ENTHD1: variants seen among roughly 807,000 people sequenced by gnomAD.
ENTHD1 encodes ENTH domain containing 1.
Under a neutral mutation model 39.1 loss-of-function variants are expected in ENTHD1, and 23 were observed. That is an observed-to-expected ratio of 0.59 (90% CI 0.42 to 0.83). The LOEUF is 0.83. Among genes scored for constraint, ENTHD1 ranks in the 40% least tolerant of loss-of-function variants. The pLI is 0.00. For synonymous variants in ENTHD1, 230 were observed against 258.2 expected (o/e 0.89, Z 1.05); for missense variants, 624 against 705.4 (o/e 0.88, Z 1.31).
At chr22:39,868,999 G>T (rs2066213762) in intron 2 of ENTHD1, among the ~76,000 whole-genome samples, 1 of 152,150 alleles carries the variant, frequency 6.6e-6, no homozygotes, top group Non-Finnish European at 1.5e-5. Flanking sequence ...TGGAGAAAAG[G>T]GGACACTTGT....
chr22:39,782,180 G>A (rs770284212), intron 5 of ENTHD1, among the ~76,000 whole-genome samples: 11 of 152,190 alleles, frequency 7.2e-5, no homozygotes, highest in East Asian at 1.9e-4. Context: ...CCAGCTACCC[G>A]GGAGGCTGAG....
At chr22:39,814,404 G>A (rs1601612718) in intron 5 of ENTHD1, among the ~76,000 whole-genome samples, 1 of 152,014 alleles carries the variant, frequency 6.6e-6, no homozygotes, top group East Asian at 1.9e-4. Context: ...AGGCTGCAGT[G>A]AACCGCAATT....
chr22:39,864,814 C>T (rs938551709), intron 2 of ENTHD1, among the ~76,000 whole-genome samples: 1 of 152,128 alleles, frequency 6.6e-6, no homozygotes, highest in African/African-American at 2.4e-5. Flanking sequence ...ATCGCTTGAA[C>T]CCAGGAGGCA....
Position 39,765,237 on chromosome 22 carries a change from T to C in ENTHD1, c.1205A>G (p.Lys402Arg), listed in dbSNP as rs116405776. The change falls in exon 6 of 7, where the codon AAG (lysine) becomes AGG (arginine). Residue 402 changes from lysine to arginine, a missense_variant. Coordinates refer to ENST00000325157, the MANE Select transcript of ENTHD1 (RefSeq NM_152512.4). ...SSIQMDDKIL[K>R]TTTRVSTASE... is the part of the protein sequence containing the mutation. Reference sequence around the variant, plus strand: ...GGCAGACTCACCCCGTGTGGTTGTCTTGAGGATTTTATCATCCATCTGAAT... The same window carrying C: ...GGCAGACTCACCCCGTGTGGTTGTCCTGAGGATTTTATCATCCATCTGAAT... The C allele has an allele frequency of 5.3e-5, 85 of 1,607,566 alleles. No homozygotes were observed. The East Asian group carries it at 1.8e-3, about 35-fold the overall frequency.
At chr22:39,846,923 G>C (rs1418437373) in intron 3 of ENTHD1, among the ~76,000 whole-genome samples, 2 of 152,108 alleles carry the variant, frequency 1.3e-5, no homozygotes, top group African/African-American at 4.8e-5. Context: ...TGGAGAAATA[G>C]GAACACTTTT....
intron 5 of ENTHD1, among the ~76,000 whole-genome samples, chr22:39,784,547 C>T (rs1053630046): frequency 3.2e-5 from 4 of 126,026 alleles, no homozygotes; most frequent in African/African-American, 1.1e-4. Context: ...TCTGTATACA[C>T]ACACACACAC....
intron 2 of ENTHD1, among the ~76,000 whole-genome samples, chr22:39,882,443 G>A (rs2066345671): frequency 6.6e-6 from 1 of 152,144 alleles, no homozygotes; most frequent in African/African-American, 2.4e-5. Flanking sequence ...GCACAGAAAT[G>A]TCTAAGCATA....
chr22:39,766,751 C>T (rs536242439), intron 5 of ENTHD1, among the ~76,000 whole-genome samples: 1 of 152,150 alleles, frequency 6.6e-6, no homozygotes, highest in South Asian at 2.1e-4. Flanking sequence ...TTCTTTGTCT[C>T]TATAAAGCTT....
At chr22:39,843,920 C>T (rs1160775105) in intron 3 of ENTHD1, among the ~76,000 whole-genome samples, 1 of 152,204 alleles carries the variant, frequency 6.6e-6, no homozygotes, top group African/African-American at 2.4e-5. Context: ...AAGCAAGGAT[C>T]TGGGAGACAC....
intron 2 of ENTHD1, among the ~76,000 whole-genome samples, chr22:39,868,147 G>A (rs1442329377): frequency 6.6e-6 from 1 of 151,924 alleles, no homozygotes; most frequent in Non-Finnish European, 1.5e-5. Context: ...CAACTTATTT[G>A]TGGCTGTGGA....
chr22:39,815,126 C>T (rs1488159431), intron 5 of ENTHD1, among the ~76,000 whole-genome samples: 1 of 152,104 alleles, frequency 6.6e-6, no homozygotes, highest in Non-Finnish European at 1.5e-5. Context: ...TGAAATGTGT[C>T]GACATATGAA....
intron 4 of ENTHD1, among the ~76,000 whole-genome samples, chr22:39,834,316 A>G (rs904017653): frequency 6.6e-6 from 1 of 152,244 alleles, no homozygotes; most frequent in Non-Finnish European, 1.5e-5. Flanking sequence ...TAGAAAATGG[A>G]TAAAAGATGT....
Position 39,765,117 on chromosome 22 carries a change from C to CA in ENTHD1, c.1219+105dup, listed in dbSNP as rs905251542. On this transcript the variant is annotated intron_variant, in intron 6 of 6. Coordinates refer to ENST00000325157, the MANE Select transcript of ENTHD1 (RefSeq NM_152512.4). The stretch of plus-strand genomic sequence containing the variant: ...AATGATGAAGAGTGAAAGGAGGGAA[C>CA]AAAAAAAGGAGACAGAAAGCAGAGA... 1.9e-4 allele frequency: 275 copies of CA among 1,427,686 alleles called. 3 individuals are homozygous for CA. In the Middle Eastern group the frequency reaches 2.6e-3, roughly 13 times the overall value. 88.4% of individuals were successfully genotyped at this position (1,427,686 alleles called of 1,614,324 possible). A position where few individuals can be genotyped will look rare whatever the true frequency, so the allele number is the denominator to read the frequency against.
rs747415384 is a variant in ENTHD1 at position 39,765,363 on chromosome 22, GC to G, written c.1078del (p.Ala360ProfsTer3). The G allele has an allele frequency of 1.9e-6, 3 of 1,613,996 alleles. No homozygotes were observed. The South Asian group carries it at 3.3e-5, about 18-fold the overall frequency. The stretch of plus-strand genomic sequence containing the variant: ...AGAGAGACAGAGTGTTTCTACAGAG[GC>G]CTGGTTATGGAAAGTAGAATCTGAC... ...SKSDSTFHNQ[A>X]SVETLCLSPS... On this transcript the variant is annotated frameshift_variant, in exon 6 of 7. Transcript: ENST00000325157. LOFTEE classifies it high-confidence loss of function.
chr22:39,768,742 T>A (rs2065298268), intron 5 of ENTHD1, among the ~76,000 whole-genome samples: 1 of 152,156 alleles, frequency 6.6e-6, no homozygotes, highest in Non-Finnish European at 1.5e-5. Context: ...AATTATTTAA[T>A]ATCAACTTTA....
intron 2 of ENTHD1, among the ~76,000 whole-genome samples, chr22:39,865,414 A>G (rs17001484): frequency 1.3e-5 from 2 of 152,152 alleles, no homozygotes; most frequent in African/African-American, 4.8e-5. Flanking sequence ...CAAAAGCATC[A>G]AAGTTGAAAG....
At chr22:39,880,898 T>C (rs1439314929) in intron 2 of ENTHD1, among the ~76,000 whole-genome samples, 2 of 152,214 alleles carry the variant, frequency 1.3e-5, no homozygotes, top group East Asian at 1.9e-4. Flanking sequence ...GTTGAGAACA[T>C]GTATTCTGGA....
At chr22:39,765,797 G>A (rs777212665) in intron 5 of ENTHD1, among the ~76,000 whole-genome samples, 188 bp from the exon 6 acceptor site, 7 of 151,466 alleles carry the variant, frequency 4.6e-5, no homozygotes, top group Non-Finnish European at 7.4e-5. Flanking sequence ...TATAATTGAC[G>A]CCTTAGTCAT....
chr22:39,753,595 A>G (rs936398026), intron 6 of ENTHD1, among the ~76,000 whole-genome samples: 1 of 152,214 alleles, frequency 6.6e-6, no homozygotes, highest in Non-Finnish European at 1.5e-5. Flanking sequence ...ATAATGCCAG[A>G]CCTGGACCCT....
Sources: gnomAD v4.1 joint callset for allele counts (sites outside exome capture counted in the v4.1 genomes callset) on GRCh38, gnomAD v4.1.1 for gene constraint, MANE v1.5 for transcripts, NCBI Gene and HGNC (gene_info 2026-07-23, HGNC 2026-07-21) for gene names.